The following TRHDE variants were observed in gnomAD, a reference collection of about 807,000 sequenced individuals.
The protein encoded by TRHDE is thyrotropin releasing hormone degrading enzyme.
Under a neutral mutation model 125.7 loss-of-function variants are expected in TRHDE, and 72 were observed. That is an observed-to-expected ratio of 0.57 (90% CI 0.47 to 0.70). The LOEUF (loss-of-function observed/expected upper bound fraction) is 0.70. TRHDE is among the 30% of genes least tolerant of loss of function. The pLI, the probability that TRHDE is intolerant of heterozygous loss-of-function variation, is 0.00. For missense variants in TRHDE, 1,110 were observed against 1,327.1 expected, an observed-to-expected ratio of 0.84 and a Z score of 2.54; for synonymous variants, 509 against 509.1, an observed-to-expected ratio of 1.00 and a Z score of 0.00.
At chr12:72,646,600 T>G (rs1263745210) in intron 15 of TRHDE, among the ~76,000 whole-genome samples, 1 of 152,056 alleles carries the variant, frequency 6.6e-6, no homozygotes, top group Admixed American at 6.6e-5. Context: ...TCACTTTAGC[T>G]TTAAGGACAC....
chr12:72,476,281 G>T (rs1298567177), intron 5 of TRHDE, among the ~76,000 whole-genome samples: 1 of 152,130 alleles, frequency 6.6e-6, no homozygotes, highest in East Asian at 1.9e-4. Context: ...TTGTGAGATA[G>T]CTCAATATAA....
At chr12:72,614,932 A>G (rs1487889700) in intron 12 of TRHDE, among the ~76,000 whole-genome samples, 2 of 152,140 alleles carry the variant, frequency 1.3e-5, no homozygotes, top group Non-Finnish European at 2.9e-5. Flanking sequence ...TTTCCTTCTT[A>G]TAAAATACAT....
chr12:72,261,249 C>G (rs1432792440), intron 2 of TRHDE, among the ~76,000 whole-genome samples: 1 of 152,106 alleles, frequency 6.6e-6, no homozygotes, highest in Non-Finnish European at 1.5e-5. Context: ...CCAAAGGGTA[C>G]AGTAAATTAT....
intron 18 of TRHDE, among the ~76,000 whole-genome samples, chr12:72,660,894 T>C (rs1212726357): frequency 6.6e-6 from 1 of 152,012 alleles, no homozygotes; most frequent in Non-Finnish European, 1.5e-5. Flanking sequence ...CCCTCTAAGG[T>C]GAGGCAGGGG....
At chr12:72,139,879 C>G (rs1876074658) in intron 2 of TRHDE, among the ~76,000 whole-genome samples, 1 of 152,144 alleles carries the variant, frequency 6.6e-6, no homozygotes, top group Non-Finnish European at 1.5e-5. Flanking sequence ...TCACTATTAT[C>G]TTCCTCCCTT....
chr12:72,500,652 A>G (rs1878110548), intron 6 of TRHDE, among the ~76,000 whole-genome samples: 2 of 152,038 alleles, frequency 1.3e-5, no homozygotes, highest in Non-Finnish European at 2.9e-5. Flanking sequence ...TCTGCCTCCC[A>G]AAGTGCTGGG....
chr12:72,114,129 TATGCCA>T (rs1875386190), intron 2 of TRHDE, among the ~76,000 whole-genome samples: 1 of 150,496 alleles, frequency 6.6e-6, no homozygotes, highest in Non-Finnish European at 1.5e-5. Context: ...AGTTTAGGTT[TATGCCA>T]GGGGCTCCTG....
intron 2 of TRHDE, among the ~76,000 whole-genome samples, chr12:72,318,863 T>C (rs115568216): frequency 0.024 from 3,686 of 152,158 alleles, 135 homozygotes; most frequent in African/African-American, 0.084. Context: ...TTTGTAATGG[T>C]TACTCTATCG....
intron 6 of TRHDE, among the ~76,000 whole-genome samples, chr12:72,522,296 TAG>T (rs896596185): frequency 2.0e-5 from 3 of 152,216 alleles, no homozygotes; most frequent in African/African-American, 7.2e-5. Context: ...TCTTTTTCAG[TAG>T]AGTTATTATA....
chr12:72,516,143 A>C (rs1376165977), intron 6 of TRHDE, among the ~76,000 whole-genome samples: 1 of 151,324 alleles, frequency 6.6e-6, no homozygotes, highest in Non-Finnish European at 1.5e-5. Context: ...TTTTGGTTCC[A>C]TATGAACTTT....
At chr12:72,198,646 A>G (rs1228097121) in intron 2 of TRHDE, among the ~76,000 whole-genome samples, 2 of 152,160 alleles carry the variant, frequency 1.3e-5, no homozygotes, top group East Asian at 1.9e-4. Flanking sequence ...TCTGAACTAG[A>G]TATGTGGCTT....
chr12:72,639,846 G>A (rs1258646278), intron 15 of TRHDE, among the ~76,000 whole-genome samples: 3 of 152,194 alleles, frequency 2.0e-5, no homozygotes, highest in Non-Finnish European at 2.9e-5. Context: ...CACTTGAGGA[G>A]GCAGTCTGCC....
At position 72,482,001 on chromosome 12, in the gene TRHDE, G is replaced by T. The variant is rs190484664; in HGVS notation, c.1584+8821G>T. The stretch of plus-strand genomic sequence containing the variant: ...TTAAGTGCTGTTAATGGTATATTAG[G>T]TCAATAATTTTATATAAATTAGTTT... On this transcript the variant is annotated intron_variant, in intron 5 of 18. Transcript: ENST00000261180. Among the ~76,000 whole-genome samples, 11 of 151,942 alleles carry T rather than the reference G, an allele frequency of 7.2e-5. No individual in the cohort carries two copies. In the East Asian group the frequency reaches 2.1e-3, roughly 29 times the overall value.
chr12:72,403,628 C>A (rs760909738), intron 3 of TRHDE, among the ~76,000 whole-genome samples: 2 of 152,096 alleles, frequency 1.3e-5, no homozygotes, highest in African/African-American at 2.4e-5. Flanking sequence ...TATTCCAAAA[C>A]GAGAGCCAGG....
chr12:72,593,191 T>A (rs549434267), intron 12 of TRHDE, among the ~76,000 whole-genome samples: 1 of 152,330 alleles, frequency 6.6e-6, no homozygotes, highest in South Asian at 2.1e-4. Flanking sequence ...TGTTTCCACA[T>A]GTTTTTTGCT....
chr12:72,097,431 TC>T (rs1874955850), intron 1 of TRHDE, among the ~76,000 whole-genome samples: 2 of 21,014 alleles, frequency 9.5e-5, no homozygotes, highest in Non-Finnish European at 3.4e-4. Flanking sequence ...AGTAGCATTT[TC>T]TCACTGAATT....
rs116982770 is a variant in TRHDE, at chr12:72,328,869, C to T, written c.1188+41915C>T. Among the ~76,000 whole-genome samples the T allele has an allele frequency of 3.3e-5, 5 of 152,122 alleles. No individual in the cohort carries two copies. In the East Asian group the frequency reaches 9.6e-4, roughly 29 times the overall value. On this transcript the variant is annotated intron_variant, in intron 2 of 18. Transcript: ENST00000261180. ...TTTCATTGTTTATTTTAGCTTATAC[C>T]ATAATAACTAGTTTAATAGCTCAAT...
chr12:72,650,345 G>A (rs1874455574), intron 15 of TRHDE, among the ~76,000 whole-genome samples: 1 of 152,084 alleles, frequency 6.6e-6, no homozygotes, highest in Non-Finnish European at 1.5e-5. Flanking sequence ...ATTAAAGAGT[G>A]GAATGATGGT....
At chr12:72,291,691 C>G (rs1284930871) in intron 2 of TRHDE, among the ~76,000 whole-genome samples, 1 of 152,172 alleles carries the variant, frequency 6.6e-6, no homozygotes, top group Admixed American at 6.5e-5. Flanking sequence ...ATTTACATAG[C>G]ATTTACACTG....
Sources: gnomAD v4.1 joint callset for allele counts (sites outside exome capture counted in the v4.1 genomes callset) on GRCh38, gnomAD v4.1.1 for gene constraint, MANE v1.5 for transcripts, NCBI Gene and HGNC (gene_info 2026-07-23, HGNC 2026-07-21) for gene names.